Variants in GRIP1 observed in about 807,000 individuals in gnomAD.
GRIP1 encodes the protein glutamate receptor-interacting protein 1.
GRIP1 carries 45 observed loss-of-function variants against 129.9 expected under a neutral mutation model. The ratio of observed to expected loss-of-function variants is 0.35; its 90% CI spans 0.27 to 0.44. The LOEUF is 0.44. Among genes scored for constraint, GRIP1 ranks in the 20% least tolerant of loss-of-function variants. The probability of loss-of-function intolerance (pLI) is 1.00; values close to 1 mark genes in which losing one functional copy is unlikely to be tolerated. For missense variants in GRIP1, 1,196 were observed against 1,396.8 expected (o/e 0.86, Z 2.29); for synonymous variants, 530 against 520.8 (o/e 1.02, Z -0.24).
At chr12:66,930,361 G>GT (rs2041373740) in intron 1 of GRIP1, among the ~76,000 whole-genome samples, 1 of 147,808 alleles carries the variant, frequency 6.8e-6, no homozygotes, top group South Asian at 2.2e-4. Context: ...GCGATGTTTG[G>GT]TTTTTTGTTC....
chr12:66,562,518 A>G (rs1330900917), intron 2 of GRIP1, among the ~76,000 whole-genome samples: 1 of 152,230 alleles, frequency 6.6e-6, no homozygotes. Flanking sequence ...GCTTATATAC[A>G]GCTTAATAAT....
chr12:67,015,427 G>A (rs1030007338), intron 1 of GRIP1, among the ~76,000 whole-genome samples: 1 of 152,134 alleles, frequency 6.6e-6, no homozygotes, highest in Non-Finnish European at 1.5e-5. Context: ...AAAACAAAAA[G>A]CTTCAGAGAT....
intron 1 of GRIP1, among the ~76,000 whole-genome samples, chr12:67,003,287 T>C (rs2042578600): frequency 6.6e-6 from 1 of 152,256 alleles, no homozygotes. Context: ...GATAAATTGT[T>C]GTACTTAGAC....
At chr12:66,357,042 A>C (rs1428196478) in intron 23 of GRIP1, among the ~76,000 whole-genome samples, 2 of 151,812 alleles carry the variant, frequency 1.3e-5, no homozygotes, top group African/African-American at 4.8e-5. Flanking sequence ...ACATCTAGCT[A>C]ATTTTTCTAT....
chr12:67,019,753 A>G (rs1032908021), intron 1 of GRIP1, among the ~76,000 whole-genome samples: 3 of 152,288 alleles, frequency 2.0e-5, no homozygotes, highest in Middle Eastern at 3.4e-3. Context: ...AATTTATCCT[A>G]TAATCCATAT....
chr12:66,692,614 C>A lies in GRIP1; in HGVS notation c.-419-62278G>T, dbSNP rs552569333. On this transcript the variant is annotated intron_variant, in intron 1 of 4. Transcript: ENST00000538373. ...AAATGAGATGATGAGATGGATTTTACAGAAGACCTGGGGCTGACTGCATTT... is the reference window on the plus strand; with the variant it reads ...AAATGAGATGATGAGATGGATTTTAAAGAAGACCTGGGGCTGACTGCATTT... Among the ~76,000 whole-genome samples the A allele has an allele frequency of 2.6e-5, 4 of 152,296 alleles. No individual in the cohort carries two copies. The East Asian group carries it at 7.7e-4, about 29-fold the overall frequency.
At chr12:66,855,538 AT>A (rs1407010565) in intron 1 of GRIP1, among the ~76,000 whole-genome samples, 2 of 152,086 alleles carry the variant, frequency 1.3e-5, no homozygotes, top group African/African-American at 4.8e-5. Context: ...CTTTAGAAAG[AT>A]AAAAACAATA....
At chr12:66,366,032 C>T (rs147425640) in intron 23 of GRIP1, among the ~76,000 whole-genome samples, 2,883 of 152,308 alleles carry the variant, frequency 0.019, 39 homozygotes, top group Middle Eastern at 0.061. Flanking sequence ...TAGTTTATCA[C>T]TCCTTGCCTG....
intron 14 of GRIP1, among the ~76,000 whole-genome samples, chr12:66,422,561 C>T (rs979825765): frequency 2.1e-5 from 3 of 141,104 alleles, no homozygotes; most frequent in Non-Finnish European, 4.8e-5. Flanking sequence ...TCACATAGCA[C>T]TCAATGTTTC....
Position 66,566,735 on chromosome 12 carries a change from T to A in GRIP1, c.137-24785A>T, listed in dbSNP as rs558213652. Among the ~76,000 whole-genome samples the A allele has an allele frequency of 2.0e-5, 3 of 152,322 alleles. No homozygotes were observed. The East Asian group carries it at 5.8e-4, about 29-fold the overall frequency. ...GTTTGTATCCCTGGTAAAATTCGGC[T>A]GTGAATCCGTCTTCCAAAAAAAATC... On this transcript the variant is annotated intron_variant, in intron 2 of 24. Transcript: ENST00000359742.
At position 66,531,252 on chromosome 12, in the gene GRIP1, AATATATATATATATATATATATATAT is replaced by A. The variant is rs71069009; in HGVS notation, c.419-1364_419-1339del. ...CTCTGTCTCAAAAAAAAAAAAAAAA[AATATATATATATATATATATATATAT>A]ATATATATATATATATATATATATA... On this transcript the variant is annotated intron_variant, in intron 4 of 24. Coordinates refer to ENST00000359742, the MANE Select transcript of GRIP1 (RefSeq NM_001366722.1). Among the ~76,000 whole-genome samples, 188 of 19,470 alleles carry A rather than the reference AATATATATATATATATATATATATAT, an allele frequency of 9.7e-3. 9 individuals are homozygous for A. The highest frequency in any genetic ancestry group is 0.075 in the African/African-American group (177 of 2,348). The allele number at this position is 19,470 out of a possible 152,430, so 12.8% of individuals were successfully genotyped here.
At chr12:66,943,418 T>G (rs1441629263) in intron 1 of GRIP1, among the ~76,000 whole-genome samples, 1 of 152,208 alleles carries the variant, frequency 6.6e-6, no homozygotes, top group East Asian at 1.9e-4. Flanking sequence ...CTACAGTGTA[T>G]GTAACAACAT....
At chr12:66,427,080 G>T (rs1354739598) in intron 14 of GRIP1, among the ~76,000 whole-genome samples, 2 of 152,118 alleles carry the variant, frequency 1.3e-5, no homozygotes, top group African/African-American at 4.8e-5. Flanking sequence ...CCTGCCTTAG[G>T]ATTTTCCATC....
At chr12:66,562,868 T>C (rs1057083862) in intron 2 of GRIP1, among the ~76,000 whole-genome samples, 1 of 130,354 alleles carries the variant, frequency 7.7e-6, no homozygotes, top group Admixed American at 8.4e-5. Context: ...GTTATATGTA[T>C]GATATACTAT....
At chr12:66,396,414 T>C (rs933565642) in intron 16 of GRIP1, among the ~76,000 whole-genome samples, 24 of 152,178 alleles carry the variant, frequency 1.6e-4, no homozygotes, top group African/African-American at 5.1e-4. Context: ...GTCCCATTCA[T>C]TGGGAGAAGG....
chr12:66,694,103 G>A (rs1389572770), intron 1 of GRIP1, among the ~76,000 whole-genome samples: 1 of 152,068 alleles, frequency 6.6e-6, no homozygotes, highest in Non-Finnish European at 1.5e-5. Flanking sequence ...ATCTGCTGGG[G>A]AAAATGTGTC....
At chr12:66,803,702 C>A (rs941180033) in intron 1 of GRIP1, among the ~76,000 whole-genome samples, 2 of 152,186 alleles carry the variant, frequency 1.3e-5, no homozygotes, top group African/African-American at 4.8e-5. Context: ...ATGAGCTAGC[C>A]TTCCCTATTC....
At chr12:66,675,305 T>C (rs1475791005) in intron 1 of GRIP1, among the ~76,000 whole-genome samples, 1 of 151,932 alleles carries the variant, frequency 6.6e-6, no homozygotes, top group African/African-American at 2.4e-5. Flanking sequence ...GAGTGAAGCT[T>C]GTGAAAGAAA....
chr12:66,574,051 T>C (rs1188344966), intron 2 of GRIP1, among the ~76,000 whole-genome samples: 2 of 152,216 alleles, frequency 1.3e-5, no homozygotes, highest in African/African-American at 2.4e-5. Flanking sequence ...CTCACATAAA[T>C]GGTGAGTTGT....
Sources: allele counts gnomAD v4.1 joint callset (sites outside exome capture counted in the v4.1 genomes callset), GRCh38; gene constraint gnomAD v4.1.1; transcripts MANE v1.5; gene names NCBI Gene and HGNC (gene_info 2026-07-23, HGNC 2026-07-21).